The following UBXN7 variants were observed in gnomAD, a reference collection of about 807,000 sequenced individuals.
UBXN7 encodes the protein UBX domain protein 7, also known as UBX domain-containing protein 7.
A neutral mutation model predicts 58.0 loss-of-function variants in UBXN7; 9 were observed. The ratio of observed to expected loss-of-function variants is 0.16; its 90% CI spans 0.09 to 0.27. UBXN7 has a LOEUF of 0.27. Ranked by LOEUF, UBXN7 falls within the 10% of genes least tolerant of loss-of-function variation. The probability of loss-of-function intolerance (pLI) is 1.00; values close to 1 mark genes in which losing one functional copy is unlikely to be tolerated. For synonymous variants in UBXN7, 208 were observed against 205.0 expected, an observed-to-expected ratio of 1.01 and a Z score of -0.12; for missense variants, 328 against 599.6, an observed-to-expected ratio of 0.55 and a Z score of 4.73.
At chr3:196,404,846 A>G (rs972193064) in intron 2 of UBXN7, among the ~76,000 whole-genome samples, 1 of 152,148 alleles carries the variant, frequency 6.6e-6, no homozygotes, top group African/African-American at 2.4e-5. Context: ...AGCTCTGTCA[A>G]TCCTTTCATC....
rs869218456 is a variant in UBXN7, at chr3:196,404,261, GT to G, written c.222-1243del. ...ATATAAATTTATGTTAGCCCTAATG[GT>G]TTTTTTTTTTTTTTTTTTGAGACGG... On this transcript the variant is annotated intron_variant, in intron 2 of 10. Transcript: ENST00000296328. Among the ~76,000 whole-genome samples, 998 of 129,380 alleles carry G rather than the reference GT, an allele frequency of 7.7e-3. 4 individuals are homozygous for G. Among genetic ancestry groups the G allele is most frequent in the African/African-American group, 0.021 (736 of 35,014 alleles). 84.9% of individuals were successfully genotyped at this position (129,380 alleles called of 152,430 possible).
At chr3:196,424,856 C>G (rs1209673455) in intron 1 of UBXN7, among the ~76,000 whole-genome samples, 1 of 152,048 alleles carries the variant, frequency 6.6e-6, no homozygotes, top group Admixed American at 6.6e-5. Flanking sequence ...GCACACACCA[C>G]CATGCCCGGC....
intron 3 of UBXN7, among the ~76,000 whole-genome samples, chr3:196,395,825 G>A (rs1175288180): frequency 6.6e-6 from 1 of 152,068 alleles, no homozygotes; most frequent in Non-Finnish European, 1.5e-5. Flanking sequence ...GAGTGCAGTG[G>A]CATGATCTCA....
At chr3:196,426,899 C>T (rs904230465) in intron 1 of UBXN7, among the ~76,000 whole-genome samples, 2 of 151,528 alleles carry the variant, frequency 1.3e-5, no homozygotes, top group African/African-American at 4.8e-5. Context: ...TTAAATACCA[C>T]AAACATGACA....
At chr3:196,384,291 A>T (rs1004012036) in intron 5 of UBXN7, among the ~76,000 whole-genome samples, 20 of 152,222 alleles carry the variant, frequency 1.3e-4, no homozygotes, top group Admixed American at 1.3e-3. Context: ...CAGGCTCTGA[A>T]ATTGAGGCAA....
At chr3:196,415,819 T>C (rs1404118024) in intron 1 of UBXN7, among the ~76,000 whole-genome samples, 5 of 151,826 alleles carry the variant, frequency 3.3e-5, no homozygotes, top group Non-Finnish European at 7.4e-5. Context: ...TGCTCTACCA[T>C]TTTAATTTAG....
chr3:196,366,124 C>G (rs1728657449), intron 8 of UBXN7, among the ~76,000 whole-genome samples: 2 of 151,994 alleles, frequency 1.3e-5, no homozygotes. Flanking sequence ...ACCATCCTGG[C>G]CAACAAGATT....
chr3:196,411,189 T>C (rs573332845), intron 1 of UBXN7, among the ~76,000 whole-genome samples: 78 of 152,300 alleles, frequency 5.1e-4, no homozygotes, highest in Non-Finnish European at 1.1e-3. Flanking sequence ...AGAAGGTTCT[T>C]GAACAGAGGA....
At chr3:196,415,962 T>G (rs1415412392) in intron 1 of UBXN7, among the ~76,000 whole-genome samples, 1 of 152,192 alleles carries the variant, frequency 6.6e-6, no homozygotes, top group Non-Finnish European at 1.5e-5. Context: ...TGGACCAAAC[T>G]TTCTTTTCAG....
At chr3:196,387,145 C>G (rs1021152555) in intron 5 of UBXN7, among the ~76,000 whole-genome samples, 1 of 152,162 alleles carries the variant, frequency 6.6e-6, no homozygotes, top group African/African-American at 2.4e-5. Flanking sequence ...ACATCTACAA[C>G]CATCTGATCT....
chr3:196,370,644 C>T (rs1398980240), intron 6 of UBXN7, among the ~76,000 whole-genome samples: 1 of 151,574 alleles, frequency 6.6e-6, no homozygotes, highest in Non-Finnish European at 1.5e-5. Flanking sequence ...AAATTAATAA[C>T]ATTAATAGCA....
chr3:196,387,065 G>T (rs2108842975), intron 5 of UBXN7, among the ~76,000 whole-genome samples: 1 of 152,106 alleles, frequency 6.6e-6, no homozygotes, highest in East Asian at 1.9e-4. Context: ...AACCAAAACA[G>T]CATGGTGCTG....
chr3:196,407,167 A>C (rs1223779162), intron 2 of UBXN7, 79 bp downstream of exon 2: 2 of 1,535,944 alleles, frequency 1.3e-6, no homozygotes, highest in Non-Finnish European at 1.8e-6. Context: ...AAACCAGAGA[A>C]TCGACCTAGC....
intron 1 of UBXN7, among the ~76,000 whole-genome samples, chr3:196,414,425 T>C (rs1317022525): frequency 6.6e-6 from 1 of 152,212 alleles, no homozygotes; most frequent in East Asian, 1.9e-4. Context: ...CAGTTCTGTA[T>C]TGCTGATTGA....
At chr3:196,432,256 G>A in intron 1 of UBXN7, 71 bp downstream of exon 1, 2 of 1,587,686 alleles carry the variant, frequency 1.3e-6, no homozygotes, top group Non-Finnish European at 1.7e-6. Context: ...TGAAGGTAAG[G>A]GGAAGCCCGG....
chr3:196,369,161 A>G (rs1379601391), intron 7 of UBXN7, among the ~76,000 whole-genome samples: 3 of 152,218 alleles, frequency 2.0e-5, no homozygotes, highest in African/African-American at 7.2e-5. Context: ...AAAAAAGGTA[A>G]GATGAACATA....
chr3:196,404,261 G>GTTT (rs869218456), intron 2 of UBXN7, among the ~76,000 whole-genome samples: 14 of 129,394 alleles, frequency 1.1e-4, no homozygotes, highest in Non-Finnish European at 1.5e-4. Context: ...AGCCCTAATG[G>GTTT]TTTTTTTTTT....
rs535917846 is a variant in UBXN7, at chr3:196,360,609, C to T, written c.1308+1235G>A. On this transcript the variant is annotated intron_variant, in intron 10 of 10. Transcript: ENST00000296328. ...TCAACATATTACTGCTCATTGACAACGCACCTAGTCACGTAAGAGCTCTGA... is the reference window on the plus strand; with the variant it reads ...TCAACATATTACTGCTCATTGACAATGCACCTAGTCACGTAAGAGCTCTGA... Among the ~76,000 whole-genome samples the T allele has an allele frequency of 4.0e-4, 61 of 152,328 alleles. No individual in the cohort carries two copies. The South Asian group carries it at 9.1e-3, about 23-fold the overall frequency.
chr3:196,400,765 T>C (rs1277279604), intron 3 of UBXN7: 2 of 352,812 alleles, frequency 5.7e-6, no homozygotes, highest in Non-Finnish European at 1.1e-5. Context: ...AAGAGTAAAG[T>C]GGGGCTTCCA....
Sources: gnomAD v4.1 joint callset for allele counts (sites outside exome capture counted in the v4.1 genomes callset) on GRCh38, gnomAD v4.1.1 for gene constraint, MANE v1.5 for transcripts, NCBI Gene and HGNC (gene_info 2026-07-23, HGNC 2026-07-21) for gene names.